Variants in STAT5B observed in about 807,000 individuals in gnomAD.
STAT5B encodes transcription factor STAT5B.
A neutral mutation model predicts 107.8 loss-of-function variants in STAT5B; 21 were observed. That is an observed-to-expected ratio of 0.19 (90% CI 0.14 to 0.28). The LOEUF (loss-of-function observed/expected upper bound fraction) is 0.28. Ranked by LOEUF, STAT5B falls within the 10% of genes least tolerant of loss-of-function variation. The pLI, the probability that STAT5B is intolerant of heterozygous loss-of-function variation, is 1.00. For synonymous variants in STAT5B, 325 were observed against 401.7 expected, an observed-to-expected ratio of 0.81 and a Z score of 2.28; for missense variants, 565 against 1,008.2, an observed-to-expected ratio of 0.56 and a Z score of 5.95.
chr17:42,224,935 G>T, intron 3 of STAT5B, 67 bp from the exon 4 acceptor site: 1 of 1,555,340 alleles, frequency 6.4e-7, no homozygotes, highest in Non-Finnish European at 8.8e-7. Flanking sequence ...CCATGCCTCA[G>T]GATGGGGAGC....
In STAT5B at chr17:42,201,259, C is replaced by T. The variant is rs1403103829; in HGVS notation, c.*479G>A. The T allele has an allele frequency of 1.1e-5, 5 of 443,832 alleles. No individual in the cohort carries two copies. The highest frequency in any genetic ancestry group is 3.9e-5 in the Admixed American group (1 of 25,962). The allele number at this position is 443,832 out of a possible 1,614,324, so 27.5% of individuals were successfully genotyped here. A position where few individuals can be genotyped will look rare whatever the true frequency, so the allele number is the denominator to read the frequency against. On this transcript the variant is annotated 3_prime_UTR_variant, in exon 19 of 19. Coordinates refer to ENST00000293328, the MANE Select transcript of STAT5B (RefSeq NM_012448.4). Reference sequence around the variant, plus strand: ...TTCAGAAGAAAAGCAGAGACAATCACGGTTATATATCAATTGCTTGGCAGA... The same window carrying T: ...TTCAGAAGAAAAGCAGAGACAATCATGGTTATATATCAATTGCTTGGCAGA...
Position 42,217,252 on chromosome 17 carries a change from G to T in STAT5B, c.1288C>A (p.Arg430Ser). The T allele has an allele frequency of 6.2e-7, 1 of 1,614,142 alleles. No homozygotes were observed. Among genetic ancestry groups the T allele is most frequent in the Non-Finnish European group, 8.5e-7 (1 of 1,180,036 alleles). The change falls in exon 11 of 19, where the codon CGT becomes AGT. Residue 430 changes from arginine to serine, a missense_variant. By Grantham distance (110) the Arg-to-Ser change is moderately radical. Transcript: ENST00000293328. The part of the protein sequence containing the change: ...SLKRIKRSDR[R>S]GAESVTEEKF... ...TCTTCTGTCACCGACTCTGCCCCAC[G>T]ACGGTCTGACCTCTTAATTCGTTTC...
upstream of STAT5B, among the ~76,000 whole-genome samples, chr17:42,278,516 A>AT (rs530631610): frequency 6.7e-3 from 1,008 of 151,432 alleles, 17 homozygotes; most frequent in African/African-American, 0.021. Flanking sequence ...GGGTGTGATG[A>AT]TTTTTTTTTA....
intron 2 of STAT5B, among the ~76,000 whole-genome samples, chr17:42,231,714 T>C (rs556449410): frequency 1.1e-3 from 174 of 152,350 alleles, no homozygotes; most frequent in African/African-American, 3.9e-3. Flanking sequence ...TGTTGGCTGC[T>C]CTTTCTTAGC....
chr17:42,278,516 AT>A (rs530631610), upstream of STAT5B, among the ~76,000 whole-genome samples: 1,402 of 151,428 alleles, frequency 9.3e-3, 9 homozygotes, highest in Non-Finnish European at 0.013. Flanking sequence ...GGGTGTGATG[AT>A]TTTTTTTTAT....
At chr17:42,254,309 G>A (rs1458466341) in intron 1 of STAT5B, among the ~76,000 whole-genome samples, 3 of 152,188 alleles carry the variant, frequency 2.0e-5, no homozygotes, top group Non-Finnish European at 4.4e-5. Flanking sequence ...GAGCCCAGGA[G>A]TTTGAGGCTA....
rs1043911241 is a variant in STAT5B, at chr17:42,201,537, C to T, written c.*201G>A. ...ACGTGCAAACACGCACACACACACA[C>T]ACACACACACACACACAAACACATA... On this transcript the variant is annotated 3_prime_UTR_variant, in exon 19 of 19. Transcript: ENST00000293328. 2.3e-5 allele frequency: 15 copies of T among 657,028 alleles called. No individual in the cohort carries two copies. In the East Asian group the frequency reaches 4.1e-4, roughly 18 times the overall value. 40.7% of individuals were successfully genotyped at this position (657,028 alleles called of 1,614,324 possible). A position where few individuals can be genotyped will look rare whatever the true frequency, so the allele number is the denominator to read the frequency against.
At position 42,224,766 on chromosome 17, in the gene STAT5B, A is replaced by G. The variant is rs1393202392; in HGVS notation, c.375+13T>C. 3.7e-6 allele frequency: 6 copies of G among 1,613,404 alleles called. No homozygotes were observed. The highest frequency in any genetic ancestry group is 5.1e-6 in the Non-Finnish European group (6 of 1,179,510). ...CTTCCCGACTGCCCTCCCCATCCCT[A>G]TGGGACACTCACATTGTTGGCTTCT... is the stretch of plus-strand genomic sequence containing the variant. On this transcript the variant is annotated intron_variant, in intron 4 of 18. Transcript: ENST00000293328.
rs911203694 is a variant in STAT5B at position 42,224,868 on chromosome 17, T to G, written c.286A>C (p.Asn96His). The G allele has an allele frequency of 1.9e-6, 3 of 1,613,324 alleles. No homozygotes were observed. In the Admixed American group the frequency reaches 5.0e-5, roughly 27 times the overall value. The change falls in exon 4 of 19, where the codon AAC becomes CAC. Residue 96 changes from asparagine to histidine, a missense_variant and splice_region_variant. Around this residue, in one of 11 missense-constraint regions of STAT5B, gnomAD observed 83 missense variants for 145.1 expected, o/e 0.57. Coordinates refer to ENST00000293328, the MANE Select transcript of STAT5B (RefSeq NM_012448.4). The part of the protein sequence containing the change: ...KLGHYATQLQ[N>H]TYDRCPMELV... ...TCCATGGGGCAGCGGTCATACGTGT[T>G]CTGAAAGAATCCAACAGCAGACATC...
intron 1 of STAT5B, among the ~76,000 whole-genome samples, chr17:42,233,436 T>G (rs1264982187): frequency 6.6e-6 from 1 of 152,028 alleles, no homozygotes; most frequent in African/African-American, 2.4e-5. Flanking sequence ...AACAATACAT[T>G]CCACCTAAGA....
upstream of STAT5B, among the ~76,000 whole-genome samples, chr17:42,280,120 T>C (rs1394492645): frequency 6.6e-6 from 1 of 151,898 alleles, no homozygotes; most frequent in East Asian, 1.9e-4. Flanking sequence ...AGAAAGAAAC[T>C]GAACAGGAAG....
At position 42,201,486 on chromosome 17, in the gene STAT5B, A is replaced by G. The variant is rs2080042623; in HGVS notation, c.*252T>C. 4 of 620,054 alleles carry G rather than the reference A, an allele frequency of 6.5e-6. No homozygotes were observed. The highest frequency in any genetic ancestry group is 8.8e-6 in the Non-Finnish European group (3 of 342,060). The allele number at this position is 620,054 out of a possible 1,614,324, so 38.4% of individuals were successfully genotyped here. ...GCCCCTCTGCTACAACTAAACTCTC[A>G]GACAGTGAGAGGGAGAAACACCATA... On this transcript the variant is annotated 3_prime_UTR_variant, in exon 19 of 19. Coordinates refer to ENST00000293328, the MANE Select transcript of STAT5B (RefSeq NM_012448.4).
intron 1 of STAT5B, chr17:42,272,266 A>T (rs2080727368): frequency 6.6e-6 from 1 of 152,318 alleles, no homozygotes; most frequent in South Asian, 2.1e-4. Context: ...ACTCTTTTCC[A>T]TGACACTGTG....
At chr17:42,206,576 CTTTTCTTTTGTTTTT>C (rs904811173) in intron 16 of STAT5B, among the ~76,000 whole-genome samples, 1 of 152,002 alleles carries the variant, frequency 6.6e-6, no homozygotes, top group Non-Finnish European at 1.5e-5. Flanking sequence ...TTTTTGTTTT[CTTTTCTTTTGTTTTT>C]GAGACAGAGT....
chr17:42,248,272 C>CT (rs2080468725), intron 1 of STAT5B, among the ~76,000 whole-genome samples: 1 of 84,796 alleles, frequency 1.2e-5, no homozygotes, highest in Non-Finnish European at 2.3e-5. Flanking sequence ...AAGATCTTGT[C>CT]CAAAAAAAAA....
intron 2 of STAT5B, among the ~76,000 whole-genome samples, chr17:42,230,657 G>A (rs538934315): frequency 2.7e-4 from 41 of 151,532 alleles, no homozygotes; most frequent in Admixed American, 5.9e-4. Flanking sequence ...GTATATTTTC[G>A]TTTAGTTTTG....
chr17:42,262,872 GTA>G (rs953428345), intron 1 of STAT5B, among the ~76,000 whole-genome samples: 9 of 118,966 alleles, frequency 7.6e-5, no homozygotes, highest in African/African-American at 2.5e-4. Flanking sequence ...ATATGTGTGT[GTA>G]TATATACACA....
intron 1 of STAT5B, among the ~76,000 whole-genome samples, chr17:42,241,445 A>AT (rs373823195): frequency 0.015 from 2,098 of 143,628 alleles, 23 homozygotes; most frequent in African/African-American, 0.037. Context: ...TAGTACAGCA[A>AT]TTTTTTTTTT....
intron 12 of STAT5B, among the ~76,000 whole-genome samples, 161 bp downstream of exon 12, chr17:42,215,853 C>T (rs942443221): frequency 1.3e-5 from 2 of 152,158 alleles, no homozygotes; most frequent in African/African-American, 4.8e-5. Flanking sequence ...AACTCCTGAC[C>T]TCAGGTGATC....
Sources: gnomAD v4.1 joint callset for allele counts (sites outside exome capture counted in the v4.1 genomes callset) on GRCh38, gnomAD v4.1.1 for gene constraint, gnomAD v4.1.1 regional missense constraint, MANE v1.5 for transcripts, NCBI Gene and HGNC (gene_info 2026-07-23, HGNC 2026-07-21) for gene names.